MACROH2A2: variants seen among roughly 807,000 people sequenced by gnomAD.
The protein encoded by MACROH2A2 is core histone macro-H2A.2.
A neutral mutation model predicts 37.6 loss-of-function variants in MACROH2A2; 6 were observed. That is an observed-to-expected ratio of 0.16 (90% CI 0.09 to 0.32). The LOEUF (loss-of-function observed/expected upper bound fraction) is 0.32. Among genes scored for constraint, MACROH2A2 ranks in the 10% least tolerant of loss-of-function variants. MACROH2A2 has a pLI of 1.00. For synonymous variants in MACROH2A2, 192 were observed against 202.7 expected, an observed-to-expected ratio of 0.95 and a Z score of 0.45; for missense variants, 290 against 485.9, an observed-to-expected ratio of 0.60 and a Z score of 3.79.
chr10:70,053,486 G>GT lies in MACROH2A2; in HGVS notation c.-60+486_-60+487insT, dbSNP rs2071989002. 6.6e-6 allele frequency among the ~76,000 whole-genome samples: 1 copy of GT among 151,922 alleles called. No individual in the cohort carries two copies. Among genetic ancestry groups the GT allele is most frequent in the African/African-American group, 2.4e-5 (1 of 41,402 alleles). On this transcript the variant is annotated intron_variant, in intron 1 of 8. Coordinates refer to ENST00000373255, the MANE Select transcript of MACROH2A2 (RefSeq NM_018649.3). This position sits in a 1 kb window ranked among gnomAD's most constrained non-coding sequence, Gnocchi z 4.8. ...GGGCCGCTCGGGGGCCTCTGAAGGT[G>GT]CCCGGGCAGGGCGCCGGCGGCTCCA... is the stretch of plus-strand genomic sequence containing the variant.
chr10:70,053,027 T>C lies in MACROH2A2; in HGVS notation c.-60+27T>C, dbSNP rs2136610610. 6.6e-6 allele frequency: 1 copy of C among 152,318 alleles called. No individual in the cohort carries two copies. Among genetic ancestry groups the C allele is most frequent in the African/African-American group, 2.4e-5 (1 of 41,558 alleles). The allele number at this position is 152,318 out of a possible 1,614,324, so 9.4% of individuals were successfully genotyped here. On this transcript the variant is annotated intron_variant, in intron 1 of 8. Transcript: ENST00000373255. This position sits in a 1 kb window ranked among gnomAD's most constrained non-coding sequence, Gnocchi z 4.8. ...TGAGCCCGCCATGGCGATGGCATTA[T>C]TGTTTAGGGTGCTCCGGGGTCTGGA... is the stretch of plus-strand genomic sequence containing the variant.
At chr10:70,105,167 A>T (rs1183288471) in intron 7 of MACROH2A2, among the ~76,000 whole-genome samples, 1 of 152,240 alleles carries the variant, frequency 6.6e-6, no homozygotes, top group Non-Finnish European at 1.5e-5. Context: ...TGACTGTGGC[A>T]GGAGCCAGGC....
chr10:70,096,845 G>A (rs2136638536), intron 6 of MACROH2A2, among the ~76,000 whole-genome samples: 1 of 152,246 alleles, frequency 6.6e-6, no homozygotes, highest in African/African-American at 2.4e-5. Context: ...CACTTGCTGT[G>A]CTGAAAAGGA....
chr10:70,110,129 G>A (rs959505835), intron 8 of MACROH2A2, among the ~76,000 whole-genome samples: 6 of 152,156 alleles, frequency 3.9e-5, no homozygotes, highest in Non-Finnish European at 5.9e-5. Context: ...GTGGAACCAC[G>A]GCAGTGCTGT....
chr10:70,055,287 A>G (rs2072008150), intron 1 of MACROH2A2, among the ~76,000 whole-genome samples: 1 of 152,256 alleles, frequency 6.6e-6, no homozygotes, highest in Non-Finnish European at 1.5e-5. Context: ...CAACCTTAAG[A>G]AATAACCTCC....
intron 1 of MACROH2A2, among the ~76,000 whole-genome samples, chr10:70,064,295 G>T (rs1017711090): frequency 6.6e-6 from 1 of 152,118 alleles, no homozygotes; most frequent in Non-Finnish European, 1.5e-5. Context: ...GTTTGAACCC[G>T]GGGGACAGAG....
chr10:70,062,618 C>G (rs1010677085), intron 1 of MACROH2A2, among the ~76,000 whole-genome samples: 5 of 152,158 alleles, frequency 3.3e-5, no homozygotes, highest in African/African-American at 1.2e-4. Context: ...TAAGCCGTCT[C>G]GTGAGTCTAG....
intron 7 of MACROH2A2, among the ~76,000 whole-genome samples, chr10:70,102,768 C>T (rs1455730512): frequency 6.6e-6 from 1 of 152,004 alleles, no homozygotes; most frequent in African/African-American, 2.4e-5. Flanking sequence ...GCTTCTAGTC[C>T]AGAAAGAACA....
In MACROH2A2 at chr10:70,075,600, C is replaced by CA; in HGVS notation, c.-58dup. On this transcript the variant is annotated splice_region_variant and 5_prime_UTR_variant, in exon 2 of 9. Transcript: ENST00000373255. This position sits in a 1 kb window ranked among gnomAD's most constrained non-coding sequence, Gnocchi z 5.0. ...CAACTCTGTCTTCTTTCCTTTTTAG[C>CA]ATTGTGTTAGTGCCGGGAGGCCACT... 1 of 1,513,296 alleles carries CA rather than the reference C, an allele frequency of 6.6e-7. No individual in the cohort carries two copies. The highest frequency in any genetic ancestry group is 1.1e-5 in the South Asian group (1 of 87,300). The allele number at this position is 1,513,296 out of a possible 1,614,324, so 93.7% of individuals were successfully genotyped here.
chr10:70,069,411 A>C lies in MACROH2A2; in HGVS notation c.-59-6189A>C, dbSNP rs571850381. On this transcript the variant is annotated intron_variant, in intron 1 of 8. Transcript: ENST00000373255. ...AATGCTCTGATCCACTCTACGAGTAATTATAAGACTGTATACCTTGGTCTT... is the reference window on the plus strand; with the variant it reads ...AATGCTCTGATCCACTCTACGAGTACTTATAAGACTGTATACCTTGGTCTT... Among the ~76,000 whole-genome samples, 214 of 152,264 alleles carry C rather than the reference A, an allele frequency of 1.4e-3. 2 individuals are homozygous for C. The highest frequency in any genetic ancestry group is 4.9e-3 in the African/African-American group (203 of 41,546).
intron 1 of MACROH2A2, among the ~76,000 whole-genome samples, chr10:70,072,535 T>C (rs1386956144): frequency 6.6e-6 from 1 of 152,220 alleles, no homozygotes; most frequent in Non-Finnish European, 1.5e-5. Flanking sequence ...TCGTCATTTG[T>C]TATCAAGTAT....
chr10:70,082,422 AAAAAAAAAG>A (rs2072184236), intron 2 of MACROH2A2, among the ~76,000 whole-genome samples: 1 of 152,048 alleles, frequency 6.6e-6, no homozygotes, highest in South Asian at 2.1e-4. Context: ...GTGTCAAAAA[AAAAAAAAAG>A]AAAAAAGAAA....
At chr10:70,078,065 CCGTTTGGCA>C (rs2072151630) in intron 2 of MACROH2A2, among the ~76,000 whole-genome samples, 1 of 152,234 alleles carries the variant, frequency 6.6e-6, no homozygotes, top group Non-Finnish European at 1.5e-5. Flanking sequence ...TCCTGTGCCT[CCGTTTGGCA>C]AAAGTCTAAT....
At chr10:70,096,663 ACT>A (rs1334059489) in intron 6 of MACROH2A2, among the ~76,000 whole-genome samples, 2 of 152,058 alleles carry the variant, frequency 1.3e-5, no homozygotes, top group African/African-American at 2.4e-5. Flanking sequence ...ACTGCCTTAA[ACT>A]CTCCACGGAA....
Position 70,093,860 on chromosome 10 carries a change from T to A in MACROH2A2, c.588+15T>A. The A allele has an allele frequency of 7.3e-7, 1 of 1,362,672 alleles. No individual in the cohort carries two copies. 84.4% of individuals were successfully genotyped at this position (1,362,672 alleles called of 1,614,324 possible). ...TGGGACAGAAGGTAACAAAGAGAATTGCCTTGTGCTATATTAAAACACCAC... is the reference window on the plus strand; with the variant it reads ...TGGGACAGAAGGTAACAAAGAGAATAGCCTTGTGCTATATTAAAACACCAC... On this transcript the variant is annotated intron_variant, in intron 5 of 8. Transcript: ENST00000373255.
chr10:70,109,242 C>T (rs770962275), intron 8 of MACROH2A2, 35 bp downstream of exon 8: 2 of 1,582,392 alleles, frequency 1.3e-6, no homozygotes, highest in East Asian at 4.5e-5. Context: ...ATTCCTCCGG[C>T]TTTTTCCCTG....
intron 1 of MACROH2A2, among the ~76,000 whole-genome samples, chr10:70,058,364 A>C (rs1370564974): frequency 6.6e-6 from 1 of 152,236 alleles, no homozygotes; most frequent in African/African-American, 2.4e-5. Flanking sequence ...AAATATGCAT[A>C]GACCACCAGT....
chr10:70,059,297 T>C (rs1057136231), intron 1 of MACROH2A2, among the ~76,000 whole-genome samples: 21 of 152,184 alleles, frequency 1.4e-4, no homozygotes, highest in African/African-American at 5.1e-4. Context: ...GCGACCAAGC[T>C]GTTGAAGTTC....
intron 1 of MACROH2A2, among the ~76,000 whole-genome samples, chr10:70,067,522 A>G (rs1452456178): frequency 1.3e-5 from 2 of 152,232 alleles, no homozygotes; most frequent in Admixed American, 6.5e-5. Context: ...CACTATACTC[A>G]GTTCTGCAGG....
Sources: allele counts gnomAD v4.1 joint callset (sites outside exome capture counted in the v4.1 genomes callset), GRCh38; gene constraint gnomAD v4.1.1; non-coding constraint Gnocchi (gnomAD v3.1); transcripts MANE v1.5; gene names NCBI Gene and HGNC (gene_info 2026-07-23, HGNC 2026-07-21).